Variants in CCDC148 observed in about 807,000 individuals in gnomAD.
CCDC148 encodes coiled-coil domain-containing protein 148.
A neutral mutation model predicts 85.7 loss-of-function variants in CCDC148; 89 were observed. The ratio of observed to expected loss-of-function variants is 1.04; its 90% CI spans 0.87 to 1.24. CCDC148 has a LOEUF of 1.24. Ranked by LOEUF, CCDC148 falls within the 50% of genes most tolerant of loss-of-function variation. The pLI is 0.00. For missense variants in CCDC148, 692 were observed against 671.7 expected, an observed-to-expected ratio of 1.03 and a Z score of -0.33; for synonymous variants, 230 against 213.9, an observed-to-expected ratio of 1.08 and a Z score of -0.66.
intron 8 of CCDC148, among the ~76,000 whole-genome samples, chr2:158,313,060 A>G (rs941777245): frequency 1.3e-5 from 2 of 152,218 alleles, no homozygotes; most frequent in South Asian, 4.1e-4. Context: ...CTTAAAAATT[A>G]AAAGTCTGTG....
At chr2:158,222,037 A>C (rs1377475677) in intron 10 of CCDC148, among the ~76,000 whole-genome samples, 2 of 152,182 alleles carry the variant, frequency 1.3e-5, no homozygotes, top group African/African-American at 4.8e-5. Context: ...GGGAATTATA[A>C]ACCATCTTTA....
At chr2:158,405,689 T>C (rs1316258587) in intron 1 of CCDC148, among the ~76,000 whole-genome samples, 1 of 152,162 alleles carries the variant, frequency 6.6e-6, no homozygotes, top group Non-Finnish European at 1.5e-5. Flanking sequence ...TTCAATAAGA[T>C]TGGATCGTGG....
chr2:158,414,837 A>G (rs1487608740), intron 1 of CCDC148, among the ~76,000 whole-genome samples: 2 of 152,176 alleles, frequency 1.3e-5, no homozygotes, highest in Non-Finnish European at 1.5e-5. Context: ...ATGATCTGAA[A>G]CTTTAGCATT....
chr2:158,238,147 A>G (rs1688192784), intron 10 of CCDC148, among the ~76,000 whole-genome samples: 2 of 152,092 alleles, frequency 1.3e-5, no homozygotes, highest in African/African-American at 4.8e-5. Flanking sequence ...GGCATGTGGG[A>G]TCAAGGGAGG....
At chr2:158,343,480 C>T (rs1002834034) in intron 3 of CCDC148, among the ~76,000 whole-genome samples, 1 of 152,190 alleles carries the variant, frequency 6.6e-6, no homozygotes, top group Non-Finnish European at 1.5e-5. Flanking sequence ...ACTTAACATA[C>T]TCGGTTGGTG....
chr2:158,329,900 G>C (rs891664608), intron 7 of CCDC148, among the ~76,000 whole-genome samples: 6 of 152,224 alleles, frequency 3.9e-5, no homozygotes, highest in African/African-American at 7.2e-5. Context: ...TAGCTAAGGA[G>C]ATTTTGGGCT....
chr2:158,438,196 G>A (rs1448798775), intron 1 of CCDC148, among the ~76,000 whole-genome samples: 1 of 152,096 alleles, frequency 6.6e-6, no homozygotes, highest in East Asian at 1.9e-4. Flanking sequence ...AACAAAGCTG[G>A]AGGCATCATG....
chr2:158,275,253 T>A (rs57221468), intron 9 of CCDC148, among the ~76,000 whole-genome samples: 3 of 152,220 alleles, frequency 2.0e-5, no homozygotes, highest in Non-Finnish European at 4.4e-5. Flanking sequence ...TTTCTGTGAC[T>A]CAATGTCCTT....
At chr2:158,358,421 A>T in intron 2 of CCDC148, 28 bp downstream of exon 2, 1 of 1,585,468 alleles carries the variant, frequency 6.3e-7, no homozygotes, top group Non-Finnish European at 8.5e-7. Context: ...CTAAAACTAG[A>T]AAAACACATA....
chr2:158,186,820 C>A (rs2105268889), intron 11 of CCDC148, among the ~76,000 whole-genome samples: 1 of 152,036 alleles, frequency 6.6e-6, no homozygotes, highest in Non-Finnish European at 1.5e-5. Flanking sequence ...CTAGTTTTGC[C>A]TTTTCTCCCA....
At chr2:158,399,945 C>A (rs1028975352) in intron 1 of CCDC148, among the ~76,000 whole-genome samples, 9 of 152,090 alleles carry the variant, frequency 5.9e-5, no homozygotes, top group African/African-American at 2.2e-4. Context: ...AACTCCTATA[C>A]ACAATTACTA....
intron 1 of CCDC148, among the ~76,000 whole-genome samples, chr2:158,449,810 T>G (rs11695443): frequency 0.076 from 11,555 of 152,264 alleles, 614 homozygotes; most frequent in Middle Eastern, 0.19. Flanking sequence ...TACTTTATTC[T>G]CAGATTTAGA....
intron 1 of CCDC148, among the ~76,000 whole-genome samples, chr2:158,439,434 C>T (rs146337396): frequency 0.027 from 4,144 of 152,134 alleles, 76 homozygotes; most frequent in Middle Eastern, 0.1. Flanking sequence ...AATCAGAACA[C>T]TTGGACACAG....
chr2:158,218,816 A>G (rs956603322), intron 11 of CCDC148, among the ~76,000 whole-genome samples: 5 of 152,176 alleles, frequency 3.3e-5, no homozygotes, highest in Non-Finnish European at 7.3e-5. Context: ...TGGTGGCTTC[A>G]CCTTCTAACC....
At chr2:158,424,954 T>G (rs17492855) in intron 1 of CCDC148, 107,862 of 304,282 alleles carry the variant, frequency 0.35, 21,577 homozygotes, top group Middle Eastern at 0.44. Context: ...TGGGAAGTGT[T>G]AAATCAAAGT....
chr2:158,283,448 A>T (rs1690442106), intron 9 of CCDC148, among the ~76,000 whole-genome samples: 1 of 152,200 alleles, frequency 6.6e-6, no homozygotes, highest in African/African-American at 2.4e-5. Context: ...AAACAACGCC[A>T]TCAAAAAGTG....
chr2:158,194,445 C>A (rs1258345472), intron 11 of CCDC148, among the ~76,000 whole-genome samples: 1 of 152,126 alleles, frequency 6.6e-6, no homozygotes, highest in Non-Finnish European at 1.5e-5. Context: ...CCTGTCTCAC[C>A]AGCAGGGGCC....
At position 158,229,636 on chromosome 2, in the gene CCDC148, T is replaced by C. The variant is rs567075086; in HGVS notation, c.1252-8923A>G. 2.6e-5 allele frequency among the ~76,000 whole-genome samples: 4 copies of C among 152,274 alleles called. No individual in the cohort carries two copies. The South Asian group carries it at 8.3e-4, about 32-fold the overall frequency. On this transcript the variant is annotated intron_variant, in intron 10 of 13. Coordinates refer to ENST00000283233, the MANE Select transcript of CCDC148 (RefSeq NM_138803.4). ...GCTCTACAAGATATCTTTCTCATTG[T>C]TCAGCCCATCAGAAGAAGAGGTATT... is the stretch of plus-strand genomic sequence containing the variant.
chr2:158,412,826 TTTATTATTATTATTATTATTATTA>T (rs70994204), intron 1 of CCDC148, among the ~76,000 whole-genome samples: 4 of 138,920 alleles, frequency 2.9e-5, no homozygotes, highest in Admixed American at 2.2e-4. Context: ...AATATAAGTA[TTTATTATTATTATTATTATTATTA>T]TTATTATTAT....
Sources: allele counts gnomAD v4.1 joint callset (sites outside exome capture counted in the v4.1 genomes callset), GRCh38; gene constraint gnomAD v4.1.1; transcripts MANE v1.5; gene names NCBI Gene and HGNC (gene_info 2026-07-23, HGNC 2026-07-21).